Variants in TRPS1 observed in about 807,000 individuals in gnomAD.
The protein encoded by TRPS1 is transcriptional repressor GATA binding 1.
In TRPS1, 6 loss-of-function variants were observed where a neutral mutation model predicts 101.2. That is an observed-to-expected ratio of 0.06 (90% confidence interval 0.03 to 0.12). The LOEUF is 0.12. Among genes scored for constraint, TRPS1 ranks in the 10% least tolerant of loss-of-function variants. The probability of loss-of-function intolerance (pLI) is 1.00; values close to 1 mark genes in which losing one functional copy is unlikely to be tolerated. For synonymous variants in TRPS1, 578 were observed against 589.8 expected (o/e 0.98, Z 0.29); for missense variants, 1,363 against 1,567.0 (o/e 0.87, Z 2.20).
intron 5 of TRPS1, among the ~76,000 whole-genome samples, chr8:115,563,084 G>A (rs1296320116): frequency 6.6e-6 from 1 of 151,680 alleles, no homozygotes; most frequent in Non-Finnish European, 1.5e-5. Context: ...TGAAACACTT[G>A]TCTTCTGTAC....
chr8:115,519,234 G>A (rs1815797549), intron 5 of TRPS1, among the ~76,000 whole-genome samples: 1 of 151,686 alleles, frequency 6.6e-6, no homozygotes, highest in African/African-American at 2.4e-5. Flanking sequence ...AGTTATAAAG[G>A]CACGCATTGT....
intron 5 of TRPS1, among the ~76,000 whole-genome samples, chr8:115,578,477 T>C (rs1171949477): frequency 6.6e-6 from 1 of 152,082 alleles, no homozygotes; most frequent in East Asian, 1.9e-4. Context: ...TCCTTTATAA[T>C]TAAAAATTGG....
At chr8:115,611,284 T>A (rs1397999445) in intron 3 of TRPS1, among the ~76,000 whole-genome samples, 1 of 152,150 alleles carries the variant, frequency 6.6e-6, no homozygotes, top group East Asian at 1.9e-4. Flanking sequence ...AATGGAGATA[T>A]GTCAGAATTG....
intron 5 of TRPS1, among the ~76,000 whole-genome samples, chr8:115,527,230 CACTT>C (rs1256051874): frequency 6.6e-6 from 1 of 151,694 alleles, no homozygotes; most frequent in Non-Finnish European, 1.5e-5. Flanking sequence ...TTTTAGTAGT[CACTT>C]AATCTTTATT....
chr8:115,624,800 G>C (rs1347788207), intron 1 of TRPS1, among the ~76,000 whole-genome samples: 2 of 151,616 alleles, frequency 1.3e-5, no homozygotes, highest in African/African-American at 2.4e-5. Flanking sequence ...ACTATTTAAA[G>C]TGCTTAAATA....
chr8:115,570,669 CA>C (rs997181236), intron 5 of TRPS1, among the ~76,000 whole-genome samples: 3 of 125,954 alleles, frequency 2.4e-5, no homozygotes, highest in African/African-American at 9.3e-5. Flanking sequence ...GGAAAAACCT[CA>C]AAAAAAACAC....
At chr8:115,444,965 A>G (rs1291790428) in intron 5 of TRPS1, among the ~76,000 whole-genome samples, 1 of 151,500 alleles carries the variant, frequency 6.6e-6, no homozygotes, top group Non-Finnish European at 1.5e-5. Flanking sequence ...CAACCTAATT[A>G]TATCATGTCT....
intron 5 of TRPS1, among the ~76,000 whole-genome samples, chr8:115,424,871 A>G (rs1813150656): frequency 6.6e-6 from 1 of 152,182 alleles, no homozygotes; most frequent in Non-Finnish European, 1.5e-5. Context: ...ATAATTGTTG[A>G]TATTCCATAA....
At chr8:115,429,510 G>A (rs560099348) in intron 5 of TRPS1, among the ~76,000 whole-genome samples, 3 of 152,102 alleles carry the variant, frequency 2.0e-5, no homozygotes, top group Admixed American at 2.0e-4. Flanking sequence ...ACACTATATC[G>A]CATACCAAAG....
intron 5 of TRPS1, among the ~76,000 whole-genome samples, chr8:115,542,196 G>C (rs1404596797): frequency 6.6e-6 from 1 of 152,100 alleles, no homozygotes; most frequent in Non-Finnish European, 1.5e-5. Flanking sequence ...TCAAAGAATG[G>C]ACTGTGTACA....
chr8:115,607,089 T>C (rs940723821), intron 3 of TRPS1, among the ~76,000 whole-genome samples: 2 of 152,118 alleles, frequency 1.3e-5, no homozygotes, highest in Non-Finnish European at 2.9e-5. Flanking sequence ...ATCATCACTA[T>C]TTCTTTGATT....
intron 1 of TRPS1, among the ~76,000 whole-genome samples, chr8:115,649,954 G>A (rs1811523596): frequency 6.6e-6 from 1 of 152,262 alleles, no homozygotes; most frequent in Admixed American, 6.5e-5. Context: ...ACATTTTAAT[G>A]GAGCCAAAAC....
At chr8:115,588,618 G>T (rs563619663) in intron 4 of TRPS1, among the ~76,000 whole-genome samples, 1 of 152,282 alleles carries the variant, frequency 6.6e-6, no homozygotes, top group South Asian at 2.1e-4. Context: ...ATACCCGAAA[G>T]ATACACAAGT....
intron 3 of TRPS1, among the ~76,000 whole-genome samples, chr8:115,607,538 T>C (rs974872690): frequency 6.6e-6 from 1 of 151,902 alleles, no homozygotes; most frequent in Non-Finnish European, 1.5e-5. Context: ...TACTATTGAC[T>C]GCTCTTTCAA....
intron 5 of TRPS1, among the ~76,000 whole-genome samples, chr8:115,556,158 A>T (rs1438390800): frequency 1.3e-5 from 2 of 152,222 alleles, no homozygotes; most frequent in African/African-American, 4.8e-5. Context: ...GGCTGATCAC[A>T]TTGGCAACCT....
chr8:115,432,960 G>A (rs1389389660), intron 5 of TRPS1, among the ~76,000 whole-genome samples: 2 of 151,742 alleles, frequency 1.3e-5, no homozygotes, highest in Non-Finnish European at 2.9e-5. Flanking sequence ...TGGTAAAAGT[G>A]GGGGAAGGGA....
In TRPS1 at chr8:115,455,933, C is replaced by T. The variant is rs375512865; in HGVS notation, c.2701-37481G>A. ...CCAAGTAGCTGGGACTACAGGCGCC[C>T]GCCACTATGCCCAGCTAATTTTTTG... On this transcript the variant is annotated intron_variant, in intron 5 of 6. Transcript: ENST00000395715. 7.9e-5 allele frequency among the ~76,000 whole-genome samples: 12 copies of T among 151,644 alleles called. 1 individual carries two copies. The South Asian group carries it at 1.0e-3, about 13-fold the overall frequency.
At position 115,486,757 on chromosome 8, in the gene TRPS1, G is replaced by C. The variant is rs180792403; in HGVS notation, c.2701-68305C>G. Among the ~76,000 whole-genome samples, 3 of 152,302 alleles carry C rather than the reference G, an allele frequency of 2.0e-5. No homozygotes were observed. In the East Asian group the frequency reaches 5.8e-4, roughly 29 times the overall value. On this transcript the variant is annotated intron_variant, in intron 5 of 6. Transcript: ENST00000395715. ...CTTCAATTCCATGAAGTCTGAGAGA[G>C]GTGAGGAAGCTGCAGAAGAAAAATC...
chr8:115,607,835 A>G (rs1818075140), intron 3 of TRPS1, among the ~76,000 whole-genome samples: 2 of 152,116 alleles, frequency 1.3e-5, no homozygotes, highest in Non-Finnish European at 2.9e-5. Context: ...CTCAAGTCAT[A>G]GCGAAATATA....
Sources: allele counts gnomAD v4.1 joint callset (sites outside exome capture counted in the v4.1 genomes callset), GRCh38; gene constraint gnomAD v4.1.1; transcripts MANE v1.5; gene names NCBI Gene and HGNC (gene_info 2026-07-23, HGNC 2026-07-21).